CPA6: variants seen among roughly 807,000 people sequenced by gnomAD.
CPA6 encodes carboxypeptidase B.
CPA6 carries 58 observed loss-of-function variants against 63.3 expected under a neutral mutation model. The ratio of observed to expected loss-of-function variants is 0.92; its 90% CI spans 0.74 to 1.14. The LOEUF (loss-of-function observed/expected upper bound fraction) is 1.14, where lower values mean the gene tolerates loss of function less well. CPA6 is among the 50% of genes most tolerant of loss of function. CPA6 has a pLI of 0.00. For missense variants in CPA6, 565 were observed against 526.6 expected (o/e 1.07, Z -0.71); for synonymous variants, 185 against 179.0 (o/e 1.03, Z -0.27).
chr8:67,500,776 T>G (rs1447514255), intron 6 of CPA6, among the ~76,000 whole-genome samples: 1 of 151,708 alleles, frequency 6.6e-6, no homozygotes, highest in East Asian at 1.9e-4. Flanking sequence ...TTTTTTTTTT[T>G]GCAATGAATA....
chr8:67,508,704 G>A (rs113025040), intron 5 of CPA6, among the ~76,000 whole-genome samples: 116 of 152,258 alleles, frequency 7.6e-4, no homozygotes, highest in African/African-American at 2.6e-3. Context: ...GTGAGTCAAA[G>A]TCTGAATGAT....
At chr8:67,609,920 G>T (rs1288938011) in intron 2 of CPA6, among the ~76,000 whole-genome samples, 3 of 152,192 alleles carry the variant, frequency 2.0e-5, no homozygotes, top group Non-Finnish European at 4.4e-5. Context: ...TACTTGGGAG[G>T]CTGTGACAGG....
At chr8:67,658,187 G>T (rs935453774) in intron 1 of CPA6, among the ~76,000 whole-genome samples, 12 of 152,136 alleles carry the variant, frequency 7.9e-5, no homozygotes, top group Non-Finnish European at 4.4e-5. Context: ...AAGGCTTCTT[G>T]ATCTTTCTTC....
intron 1 of CPA6, among the ~76,000 whole-genome samples, chr8:67,638,481 A>G (rs1815519524): frequency 6.6e-6 from 1 of 151,588 alleles, no homozygotes; most frequent in South Asian, 2.1e-4. Context: ...TCATCCGGTT[A>G]GAAGTTCCCT....
chr8:67,631,743 C>A (rs1052463934), intron 1 of CPA6, among the ~76,000 whole-genome samples: 2 of 152,192 alleles, frequency 1.3e-5, no homozygotes, highest in East Asian at 1.9e-4. Flanking sequence ...GTCTGCACTG[C>A]CTTTATGAGC....
chr8:67,634,367 C>T (rs1407860515), intron 1 of CPA6, among the ~76,000 whole-genome samples: 1 of 150,722 alleles, frequency 6.6e-6, no homozygotes, highest in Non-Finnish European at 1.5e-5. Flanking sequence ...TACAGGCGCC[C>T]GCTACCACGC....
intron 3 of CPA6, among the ~76,000 whole-genome samples, chr8:67,512,284 C>A (rs187950299): frequency 3.9e-4 from 59 of 152,310 alleles, no homozygotes; most frequent in Middle Eastern, 3.4e-3. Flanking sequence ...ACATCCCTTC[C>A]ATCACCAAGA....
chr8:67,584,318 A>G (rs1813864626), intron 2 of CPA6, among the ~76,000 whole-genome samples: 1 of 152,164 alleles, frequency 6.6e-6, no homozygotes, highest in Non-Finnish European at 1.5e-5. Context: ...TGAGGGGCAA[A>G]GTCTTGAATA....
intron 1 of CPA6, among the ~76,000 whole-genome samples, chr8:67,705,410 G>C (rs1445211162): frequency 2.0e-5 from 3 of 152,184 alleles, no homozygotes; most frequent in African/African-American, 7.2e-5. Context: ...TGCCTACTCT[G>C]TGCTAATCTT....
At chr8:67,530,809 G>GA (rs895223331) in intron 2 of CPA6, among the ~76,000 whole-genome samples, 16 of 152,094 alleles carry the variant, frequency 1.1e-4, no homozygotes, top group African/African-American at 3.6e-4. Flanking sequence ...GTGGGGATGG[G>GA]AAAAAAGTCT....
rs180672373 is a variant in CPA6 at position 67,517,403 on chromosome 8, C to T, written c.317+520G>A. 1.3e-4 allele frequency among the ~76,000 whole-genome samples: 20 copies of T among 152,276 alleles called. No homozygotes were observed. In the East Asian group the frequency reaches 3.7e-3, roughly 28 times the overall value. The stretch of plus-strand genomic sequence containing the variant: ...GTGCCTCCTTTGCAATGGGGCAGCA[C>T]CATCCACAAGACTAGGTCTGAGCTC... On this transcript the variant is annotated intron_variant, in intron 3 of 10. Transcript: ENST00000297770.
At chr8:67,479,947 C>T (rs1434987518) in intron 8 of CPA6, among the ~76,000 whole-genome samples, 1 of 151,326 alleles carries the variant, frequency 6.6e-6, no homozygotes, top group Non-Finnish European at 1.5e-5. Flanking sequence ...AATGATTGGT[C>T]AAGCAGAACA....
intron 9 of CPA6, among the ~76,000 whole-genome samples, chr8:67,430,182 G>GTT (rs11330654): frequency 8.5e-6 from 1 of 117,996 alleles, no homozygotes; most frequent in Non-Finnish European, 1.8e-5. Context: ...TATATATTTT[G>GTT]TTTTTTTTTT....
At chr8:67,640,887 G>A (rs1815576474) in intron 1 of CPA6, among the ~76,000 whole-genome samples, 1 of 151,658 alleles carries the variant, frequency 6.6e-6, no homozygotes, top group Non-Finnish European at 1.5e-5. Context: ...TGTGAATTCT[G>A]GCTGTGCCTT....
chr8:67,524,136 C>T (rs1275624469), intron 2 of CPA6, among the ~76,000 whole-genome samples: 2 of 152,178 alleles, frequency 1.3e-5, no homozygotes, highest in African/African-American at 4.8e-5. Flanking sequence ...ACCCATTTAG[C>T]TTTCTTGGAT....
intron 2 of CPA6, among the ~76,000 whole-genome samples, chr8:67,553,413 A>C (rs1812993219): frequency 6.6e-6 from 1 of 152,222 alleles, no homozygotes. Flanking sequence ...GGTAAAGAGT[A>C]ATGATATTAT....
intron 1 of CPA6, among the ~76,000 whole-genome samples, chr8:67,632,148 C>CTG (rs35463897): frequency 0.065 from 9,562 of 147,734 alleles, 377 homozygotes; most frequent in African/African-American, 0.11. Context: ...AAAAATGATG[C>CTG]TGTGTGTGTG....
intron 8 of CPA6, among the ~76,000 whole-genome samples, chr8:67,475,875 CTTTCTCCTTTCTTTCTTTCTTT>C (rs1563967974): frequency 1.0e-3 from 73 of 72,534 alleles, no homozygotes; most frequent in Non-Finnish European, 8.8e-4. Context: ...TTCTTTCTTT[CTTTCTCCTTTCTTTCTTTCTTT>C]CTTTCTTTCT....
chr8:67,478,043 T>C (rs578063833), intron 8 of CPA6, among the ~76,000 whole-genome samples: 155 of 152,296 alleles, frequency 1.0e-3, no homozygotes, highest in Non-Finnish European at 1.8e-3. Context: ...GACAGGTCAC[T>C]GAAAGACCAA....
Sources: allele counts gnomAD v4.1 joint callset (sites outside exome capture counted in the v4.1 genomes callset), GRCh38; gene constraint gnomAD v4.1.1; transcripts MANE v1.5; gene names NCBI Gene and HGNC (gene_info 2026-07-23, HGNC 2026-07-21).